ITSN2: variants seen among roughly 807,000 people sequenced by gnomAD.
ITSN2 encodes the protein intersectin 2, also known as intersectin-2.
ITSN2 carries 156 observed loss-of-function variants against 243.7 expected under a neutral mutation model. The observed-to-expected ratio is 0.64, with a 90% confidence interval of 0.56 to 0.73. The LOEUF (loss-of-function observed/expected upper bound fraction) is 0.73, where lower values mean the gene tolerates loss of function less well. Ranked by LOEUF, ITSN2 falls within the 30% of genes least tolerant of loss-of-function variation. ITSN2 has a pLI of 0.00. For synonymous variants in ITSN2, 703 were observed against 699.9 expected (o/e 1.00, Z -0.07); for missense variants, 1,801 against 1,996.1 (o/e 0.90, Z 1.86).
intron 15 of ITSN2, among the ~76,000 whole-genome samples, chr2:24,290,876 A>C (rs1221167515): frequency 6.6e-6 from 1 of 151,950 alleles, no homozygotes; most frequent in Non-Finnish European, 1.5e-5. Flanking sequence ...TTCATATCTT[A>C]TGTTTCGATA....
rs201163358 is a variant in ITSN2, at chr2:24,286,284, T to G, written c.1791A>C (p.Glu597Asp). 6.2e-7 allele frequency: 1 copy of G among 1,604,004 alleles called. No homozygotes were observed. The highest frequency in any genetic ancestry group is 8.5e-7 in the Non-Finnish European group (1 of 1,171,212). The change falls in exon 16 of 40, where the codon GAA (glutamate) becomes GAC (aspartate). Residue 597 changes from glutamate (E) to aspartate (D), a missense_variant. By Grantham distance (45) the Glu-to-Asp change is conservative. This residue lies in a region of ITSN2 where 787 missense variants were observed against 803.9 expected (regional missense o/e 0.98). Coordinates refer to ENST00000355123, the MANE Select transcript of ITSN2 (RefSeq NM_006277.3). ...EKEELCQRLK[E>D]QLDALEKETA... ...TTTCTTTTTCAAGAGCATCTAACTG[T>G]TCTTTAAGTCTTTGGCATAATTCTT...
intron 8 of ITSN2, 26 bp downstream of exon 8, chr2:24,308,591 G>GC: frequency 1.5e-6 from 2 of 1,345,840 alleles, no homozygotes; most frequent in Middle Eastern, 2.4e-4. Context: ...CCTTTTTCAT[G>GC]CTCTTCAGCA....
Position 24,220,951 on chromosome 2 carries a change from G to C in ITSN2, c.3693C>G (p.Val1231=). The change falls in exon 30 of 40, where the codon GTC becomes GTG. Residue 1231 remains valine, a synonymous_variant. Transcript: ENST00000355123. ...CCAGCAGCAGCCTCCTCACCTCGAC[G>C]ACGAGCTGAAGGTCAGCCATGTACC... ...EERYMADLQL[V]VEVFQKRMAE... is the part of the protein sequence containing the mutation. 1.3e-6 allele frequency: 2 copies of C among 1,596,522 alleles called. No homozygotes were observed. Among genetic ancestry groups the C allele is most frequent in the South Asian group, 2.3e-5 (2 of 87,870 alleles).
chr2:24,356,193 A>G (rs559613421), intron 1 of ITSN2, among the ~76,000 whole-genome samples: 30 of 90,360 alleles, frequency 3.3e-4, no homozygotes, highest in African/African-American at 1.4e-3. Flanking sequence ...CAAGAGCGAG[A>G]CTCCATCTCA....
intron 1 of ITSN2, among the ~76,000 whole-genome samples, chr2:24,345,891 C>G (rs1437508718): frequency 8.5e-5 from 13 of 152,086 alleles, no homozygotes. Flanking sequence ...AAAGGCCTGT[C>G]TCATACCAGG....
chr2:24,258,684 C>T (rs11891004), intron 22 of ITSN2, among the ~76,000 whole-genome samples: 4,453 of 152,258 alleles, frequency 0.029, 208 homozygotes, highest in African/African-American at 0.099. Context: ...CTTCAATCTA[C>T]TTCTCTACTT....
chr2:24,270,818 T>C, intron 19 of ITSN2, 50 bp from the exon 20 acceptor site: 1 of 954,058 alleles, frequency 1.0e-6, no homozygotes, highest in Non-Finnish European at 1.7e-6. Flanking sequence ...TATACATCTT[T>C]GCTATGACTC....
At chr2:24,273,760 T>C (rs970692394) in intron 18 of ITSN2, 6 of 152,150 alleles carry the variant, frequency 3.9e-5, no homozygotes, top group Non-Finnish European at 7.3e-5. Context: ...GTAAACTTTA[T>C]GTAAGAGTTA....
intron 7 of ITSN2, 177 bp from the exon 8 acceptor site, chr2:24,308,933 T>C: frequency 1.7e-6 from 1 of 587,264 alleles, no homozygotes. Flanking sequence ...GAGTGAGCAC[T>C]ACTACCTGAG....
intron 1 of ITSN2, among the ~76,000 whole-genome samples, chr2:24,337,046 C>T (rs940393393): frequency 6.6e-6 from 1 of 150,902 alleles, no homozygotes; most frequent in African/African-American, 2.4e-5. Context: ...CATGGCTCTC[C>T]TGTAACTTGG....
intron 17 of ITSN2, among the ~76,000 whole-genome samples, chr2:24,279,108 T>C (rs72855426): frequency 0.011 from 1,680 of 152,342 alleles, 27 homozygotes; most frequent in African/African-American, 0.039. Flanking sequence ...GCATAATCTT[T>C]TTCTCCTTTA....
intron 32 of ITSN2, among the ~76,000 whole-genome samples, chr2:24,213,715 CATT>C (rs1008451351): frequency 2.2e-4 from 34 of 152,256 alleles, no homozygotes; most frequent in Admixed American, 1.2e-3. Flanking sequence ...CTATTTACAT[CATT>C]ATTTTAAAAC....
intron 37 of ITSN2, chr2:24,206,272 A>C (rs1668847064): frequency 4.6e-6 from 2 of 436,690 alleles, no homozygotes; most frequent in Admixed American, 5.8e-5. Flanking sequence ...AAAATGGGGG[A>C]AACCTGAATA....
chr2:24,216,953 T>C (rs900739072), intron 31 of ITSN2, among the ~76,000 whole-genome samples: 13 of 151,560 alleles, frequency 8.6e-5, no homozygotes, highest in African/African-American at 2.9e-4. Flanking sequence ...GGCGCAGTGG[T>C]GGGCGCCTGT....
intron 15 of ITSN2, chr2:24,293,473 C>A: frequency 3.1e-6 from 1 of 323,728 alleles, no homozygotes; most frequent in African/African-American, 2.2e-5. Flanking sequence ...TGAAGTCATA[C>A]CACAATCATT....
rs781063848 is a variant in ITSN2 at position 24,209,218 on chromosome 2, T to C, written c.4477A>G (p.Ile1493Val). 23 of 1,613,740 alleles carry C rather than the reference T, an allele frequency of 1.4e-5. No homozygotes were observed. The highest frequency in any genetic ancestry group is 1.7e-5 in the Non-Finnish European group (20 of 1,179,932). ...NAQFKMYKTP[I>V]FLNEVLVKLP... Reference sequence around the variant, plus strand: ...TTCACCAAGACTTCATTCAGGAAAATGGGCTGAAAGAATTAGGGCCAAAAC... The same window carrying C: ...TTCACCAAGACTTCATTCAGGAAAACGGGCTGAAAGAATTAGGGCCAAAAC... The change falls in exon 36 of 40, where the codon ATT (isoleucine) becomes GTT (valine). Residue 1493 changes from isoleucine to valine, a missense_variant. Ile to Val is a conservative substitution (Grantham distance 29). Transcript: ENST00000355123.
rs982751051 is a variant in ITSN2 at position 24,203,303 on chromosome 2, G to A, written c.*323C>T. Reference sequence around the variant, plus strand: ...CCACGGTGGACACATTCAACCGAGCGGTAACATCTGGTGGTCTGATGCCTC... The same window carrying A: ...CCACGGTGGACACATTCAACCGAGCAGTAACATCTGGTGGTCTGATGCCTC... On this transcript the variant is annotated 3_prime_UTR_variant, in exon 40 of 40. Coordinates refer to ENST00000355123, the MANE Select transcript of ITSN2 (RefSeq NM_006277.3). The A allele has an allele frequency of 4.4e-5, 9 of 202,514 alleles. No individual in the cohort carries two copies. The highest frequency in any genetic ancestry group is 2.7e-4 in the South Asian group (2 of 7,486). 12.5% of individuals were successfully genotyped at this position (202,514 alleles called of 1,614,324 possible). A position where few individuals can be genotyped will look rare whatever the true frequency, so the allele number is the denominator to read the frequency against.
rs575636550 is a variant in ITSN2 at position 24,313,832 on chromosome 2, A to G, written c.125-309T>C. Among the ~76,000 whole-genome samples the G allele has an allele frequency of 6.8e-4, 104 of 152,322 alleles. 1 individual carries two copies. The highest frequency in any genetic ancestry group is 2.4e-3 in the African/African-American group (101 of 41,584). On this transcript the variant is annotated intron_variant, in intron 3 of 39. Coordinates refer to ENST00000355123, the MANE Select transcript of ITSN2 (RefSeq NM_006277.3). ...CTTAGTAAAATTTATATTTAAAAAC[A>G]CTATTCCCTAAAAGAGTTTCAATAT...
chr2:24,238,560 TCTACATTTGCAATGA>T (rs1672406635), intron 29 of ITSN2, among the ~76,000 whole-genome samples: 1 of 152,220 alleles, frequency 6.6e-6, no homozygotes, highest in Admixed American at 6.5e-5. Context: ...AAAGTCTTAC[TCTACATTTGCAATGA>T]GTATTAATTT....
Sources: allele counts gnomAD v4.1 joint callset (sites outside exome capture counted in the v4.1 genomes callset), GRCh38; gene constraint gnomAD v4.1.1; regional missense constraint gnomAD v4.1.1; transcripts MANE v1.5; gene names NCBI Gene and HGNC (gene_info 2026-07-23, HGNC 2026-07-21).